Variants in TRMT1 observed in about 807,000 individuals in gnomAD.
TRMT1 encodes tRNA (guanine(26)-N(2))-dimethyltransferase.
A neutral mutation model predicts 75.4 loss-of-function variants in TRMT1; 63 were observed. The observed-to-expected ratio is 0.84, with a 90% confidence interval of 0.68 to 1.03. The LOEUF (loss-of-function observed/expected upper bound fraction) is 1.03. TRMT1 is among the 50% of genes least tolerant of loss of function. TRMT1 has a pLI of 0.00. For missense variants in TRMT1, 870 were observed against 905.3 expected (o/e 0.96, Z 0.50); for synonymous variants, 382 against 358.1 (o/e 1.07, Z -0.75).
rs1290073278 is a variant in TRMT1, at chr19:13,115,307, G to C, written c.613C>G (p.Leu205Val). Residue 205 changes from leucine to valine, a missense_variant, in exon 5 of 17, where the codon CTG (leucine) becomes GTG (valine). By Grantham distance (32) the Leu-to-Val change is conservative (BLOSUM62 1). Transcript: ENST00000357720. ...GCATCTGCTTGGCTCGGCTGTACCA[G>C]GTGGGCCACGTCATTGAGCTGGACA... ...RNVQLNDVAH[L>V]VQPSQADARM... 1.7e-5 allele frequency: 27 copies of C among 1,613,648 alleles called. No individual in the cohort carries two copies. Among genetic ancestry groups the C allele is most frequent in the East Asian group, 2.2e-5 (1 of 44,880 alleles).
chr19:13,113,255 TTCA>T (rs2019212360), intron 5 of TRMT1, among the ~76,000 whole-genome samples: 1 of 152,046 alleles, frequency 6.6e-6, no homozygotes, highest in African/African-American at 2.4e-5. Context: ...GCTTCCCCAG[TTCA>T]AGCAATTCTC....
At position 13,105,506 on chromosome 19, in the gene TRMT1, G is replaced by C. The variant is rs149836806; in HGVS notation, c.1684C>G (p.Arg562Gly). The C allele has an allele frequency of 6.2e-7, 1 of 1,614,014 alleles. No individual in the cohort carries two copies. The highest frequency in any genetic ancestry group is 1.7e-5 in the Admixed American group (1 of 60,026). ...ACTCACCCTGGCCGGGCACGAGGCC[G>C]GGGACCCCAGTTGGCCTCCGGGTTA... The part of the protein sequence containing the change: ...QANPEANWGP[R>G]PRARPGGKAA... The change falls in exon 15 of 17, where the codon CGG (arginine) becomes GGG (glycine). Residue 562 changes from arginine (R) to glycine (G), a missense_variant. By Grantham distance (125) the Arg-to-Gly change is moderately radical. Transcript: ENST00000357720.
chr19:13,116,406 T>C lies in TRMT1; in HGVS notation c.-7A>G. 1 of 1,579,542 alleles carries C rather than the reference T, an allele frequency of 6.3e-7. No homozygotes were observed. On this transcript the variant is annotated 5_prime_UTR_variant, in exon 2 of 17. It removes an upstream start codon present in the reference 5' UTR. Coordinates refer to ENST00000357720, the MANE Select transcript of TRMT1 (RefSeq NM_001136035.4). ...ACAGAGACGATCCTTGCATGAGACATCCGCTGGCGCCTCCGCCCGCCAAGC... is the reference window on the plus strand; with the variant it reads ...ACAGAGACGATCCTTGCATGAGACACCCGCTGGCGCCTCCGCCCGCCAAGC...
chr19:13,109,743 C>T, intron 10 of TRMT1, 26 bp downstream of exon 10: 1 of 1,614,066 alleles, frequency 6.2e-7, no homozygotes, highest in South Asian at 1.1e-5. Flanking sequence ...CCTCTTGCTC[C>T]TTTGCCTCCC....
At chr19:13,112,665 TC>T (rs750989132) in intron 7 of TRMT1, 39 bp downstream of exon 7, 4 of 1,583,782 alleles carry the variant, frequency 2.5e-6, no homozygotes, top group Non-Finnish European at 3.4e-6. Context: ...CAACCACCTG[TC>T]CCCCGGTCTC....
At chr19:13,112,447 T>C (rs2145591598) in intron 7 of TRMT1, among the ~76,000 whole-genome samples, 1 of 152,308 alleles carries the variant, frequency 6.6e-6, no homozygotes, top group South Asian at 2.1e-4. Flanking sequence ...GTTGTTTTAA[T>C]ACAGAAAACT....
intron 7 of TRMT1, among the ~76,000 whole-genome samples, chr19:13,110,730 G>C (rs1454660700): frequency 1.3e-5 from 2 of 152,174 alleles, no homozygotes; most frequent in East Asian, 3.9e-4. Flanking sequence ...CACTTTGGGA[G>C]GCTGGTCAGG....
Position 13,115,767 on chromosome 19 carries a change from G to A in TRMT1, c.312C>T (p.Ile104=). ...GCGTGTCCTTCTCTCCTGGAACCTTGACTGCAGCCACCCAGAGGCACAAGT... is the reference window on the plus strand; with the variant it reads ...GCGTGTCCTTCTCTCCTGGAACCTTAACTGCAGCCACCCAGAGGCACAAGT... The part of the protein sequence containing the change: ...RIQLGAKGIQ[I]KVPGEKDTQK... Residue 104 remains isoleucine (I), a splice_region_variant and synonymous_variant, in exon 4 of 17, where the codon ATC becomes ATT. Transcript: ENST00000357720. The A allele has an allele frequency of 6.2e-7, 1 of 1,613,966 alleles. No individual in the cohort carries two copies. The highest frequency in any genetic ancestry group is 8.5e-7 in the Non-Finnish European group (1 of 1,180,012).
At position 13,116,384 on chromosome 19, in the gene TRMT1, G is replaced by A. The variant is rs759237127; in HGVS notation, c.16C>T (p.Leu6=). 9.3e-6 allele frequency: 15 copies of A among 1,605,182 alleles called. No homozygotes were observed. Among genetic ancestry groups the A allele is most frequent in the Non-Finnish European group, 1.1e-5 (13 of 1,177,480 alleles). Residue 6 remains leucine, a synonymous_variant, in exon 2 of 17, where the codon CTG becomes TTG. Transcript: ENST00000357720. ...GAGCGGAAAGTGAGGCTTAGCCACA[G>A]AGACGATCCTTGCATGAGACATCCG... The part of the protein sequence containing the change: MQGSS[L]WLSLTFRSAR...
chr19:13,110,343 T>A, intron 7 of TRMT1, 37 bp from the exon 8 acceptor site: 1 of 1,551,006 alleles, frequency 6.4e-7, no homozygotes, highest in Non-Finnish European at 8.7e-7. Flanking sequence ...TCCCCTCCAC[T>A]ATCCACCCAC....
At chr19:13,111,804 A>G (rs1259834424) in intron 7 of TRMT1, among the ~76,000 whole-genome samples, 8 of 150,858 alleles carry the variant, frequency 5.3e-5, no homozygotes, top group Non-Finnish European at 1.2e-4. Context: ...GGTTCACGCC[A>G]TTCTCCTGCC....
Position 13,116,714 on chromosome 19 carries a change from G to C in TRMT1, c.-94C>G. ...GTGCACGTTTCCCGAATTAGGACCT[G>C]GGCGCCGCCATGTTGGCACAGTGGG... is the stretch of plus-strand genomic sequence containing the variant. On this transcript the variant is annotated 5_prime_UTR_variant, in exon 1 of 17. Transcript: ENST00000357720. The C allele has an allele frequency of 2.7e-6, 1 of 372,302 alleles. No individual in the cohort carries two copies. Among genetic ancestry groups the C allele is most frequent in the Non-Finnish European group, 4.9e-6 (1 of 202,418 alleles). 23.1% of individuals were successfully genotyped at this position (372,302 alleles called of 1,614,324 possible). A position where few individuals can be genotyped will look rare whatever the true frequency, so the allele number is the denominator to read the frequency against.
rs201525408 is a variant in TRMT1 at position 13,109,613 on chromosome 19, G to A, written c.1248C>T (p.Ser416=). The A allele has an allele frequency of 9.9e-6, 16 of 1,613,778 alleles. No homozygotes were observed. Among genetic ancestry groups the A allele is most frequent in the East Asian group, 2.2e-5 (1 of 44,876 alleles). Residue 416 remains serine, a synonymous_variant, in exon 11 of 17, where the codon AGC becomes AGT. Coordinates refer to ENST00000357720, the MANE Select transcript of TRMT1 (RefSeq NM_001136035.4). ...AGGTGTGGAAGCGGCCGGGGTTAGC[G>A]CTCACAGCCTCCAGGACACGGCCCA... The part of the protein sequence containing the change: ...DFVGRVLEAV[S]ANPGRFHTSE...
chr19:13,109,118 G>A (rs369551456), intron 12 of TRMT1, among the ~76,000 whole-genome samples: 15 of 151,444 alleles, frequency 9.9e-5, no homozygotes, highest in South Asian at 2.1e-4. Context: ...GTATACATAC[G>A]TATGTATGTG....
At position 13,116,153 on chromosome 19, in the gene TRMT1, C is replaced by T. The variant is rs754927342; in HGVS notation, c.247G>A (p.Asp83Asn). Residue 83 changes from aspartate (D) to asparagine (N), a missense_variant, in exon 2 of 17, where the codon GAC (aspartate) becomes AAC (asparagine). Coordinates refer to ENST00000357720, the MANE Select transcript of TRMT1 (RefSeq NM_001136035.4). ...CGTCTGACCCCTGCTCACGTCAGGT[C>T]CCGATTGAATTCCTGCACCGGGTTA... is the stretch of plus-strand genomic sequence containing the variant. Reference protein sequence around the residue: ...FYNPVQEFNRDLTCAVITEFA... With the variant: ...FYNPVQEFNRNLTCAVITEFA... The T allele has an allele frequency of 2.5e-6, 4 of 1,614,120 alleles. No individual in the cohort carries two copies. Among genetic ancestry groups the T allele is most frequent in the Non-Finnish European group, 3.4e-6 (4 of 1,180,028 alleles).
chr19:13,116,556 C>T (rs1568378029), intron 1 of TRMT1, 97 bp downstream of exon 1: 3 of 1,052,640 alleles, frequency 2.8e-6, no homozygotes, highest in Admixed American at 2.9e-5. Flanking sequence ...CTGATATCCC[C>T]TCGTTTTGGG....
At position 13,110,326 on chromosome 19, in the gene TRMT1, G is replaced by A. The variant is rs750714940; in HGVS notation, c.871-20C>T. On this transcript the variant is annotated intron_variant, in intron 7 of 16. Transcript: ENST00000357720. ...CAGGGCCTGGGGGTGGGGGGTGGGT[G>A]TCAGCCTCCCCTCCACTATCCACCC... 8 of 1,208,112 alleles carry A rather than the reference G, an allele frequency of 6.6e-6. No homozygotes were observed. The East Asian group carries it at 1.2e-4, about 19-fold the overall frequency. 74.8% of individuals were successfully genotyped at this position (1,208,112 alleles called of 1,614,324 possible).
intron 1 of TRMT1, 104 bp from the exon 2 acceptor site, chr19:13,116,535 G>A (rs577868221): frequency 1.8e-5 from 22 of 1,220,096 alleles, no homozygotes; most frequent in South Asian, 1.4e-4. Context: ...AAAACCTGCG[G>A]CCTCGGTAAG....
In TRMT1 at chr19:13,109,362, C is replaced by A. The variant is rs12150958; in HGVS notation, c.1397+19G>T. Reference sequence around the variant, plus strand: ...CCTGTGGTCTGGGACAGGCTCCTCCCGACCCCAGGGGCTCTTACCGCAACT... The same window carrying A: ...CCTGTGGTCTGGGACAGGCTCCTCCAGACCCCAGGGGCTCTTACCGCAACT... On this transcript the variant is annotated intron_variant, in intron 12 of 16. Coordinates refer to ENST00000357720, the MANE Select transcript of TRMT1 (RefSeq NM_001136035.4). The A allele has an allele frequency of 7.4e-6, 12 of 1,611,866 alleles. No homozygotes were observed. Among genetic ancestry groups the A allele is most frequent in the Non-Finnish European group, 1.0e-5 (12 of 1,179,864 alleles).
Sources: allele counts gnomAD v4.1 joint callset (sites outside exome capture counted in the v4.1 genomes callset), GRCh38; gene constraint gnomAD v4.1.1; transcripts MANE v1.5; gene names NCBI Gene and HGNC (gene_info 2026-07-23, HGNC 2026-07-21).